DPY19L1: variants seen among roughly 807,000 people sequenced by gnomAD.
The protein encoded by DPY19L1 is dpy-19 like C-mannosyltransferase 1, also known as protein C-mannosyl-transferase DPY19L1.
DPY19L1 carries 35 observed loss-of-function variants against 96.9 expected under a neutral mutation model. That is an observed-to-expected ratio of 0.36 (90% CI 0.28 to 0.48). The LOEUF is 0.48. Ranked by LOEUF, DPY19L1 falls within the 20% of genes least tolerant of loss-of-function variation. The probability of loss-of-function intolerance (pLI) is 0.99; values close to 1 mark genes in which losing one functional copy is unlikely to be tolerated. For synonymous variants in DPY19L1, 205 were observed against 252.6 expected (o/e 0.81, Z 1.79); for missense variants, 521 against 777.9 (o/e 0.67, Z 3.93).
chr7:35,037,296 G>T lies in DPY19L1; in HGVS notation c.99C>A (p.Val33=). The change falls in exon 1 of 22, where the codon GTC becomes GTA. Residue 33 remains valine (V), a synonymous_variant. Coordinates refer to ENST00000638088, the MANE Select transcript of DPY19L1 (RefSeq NM_001366673.1). ...SQSPLRGASD[V]GAGEPGPERA... ...GCTCGGGCCCCGGCTCCCCGGCGCC[G>T]ACGTCCGACGCCCCCCTCAGCGGCG... 1 of 343,342 alleles carries T rather than the reference G, an allele frequency of 2.9e-6. No individual in the cohort carries two copies. Among genetic ancestry groups the T allele is most frequent in the South Asian group, 1.4e-4 (1 of 7,286 alleles). 21.3% of individuals were successfully genotyped at this position (343,342 alleles called of 1,614,324 possible).
At chr7:34,933,408 C>A (rs1480246808) in intron 21 of DPY19L1, among the ~76,000 whole-genome samples, 1 of 152,206 alleles carries the variant, frequency 6.6e-6, no homozygotes, top group Non-Finnish European at 1.5e-5. Flanking sequence ...TATCTTTCTC[C>A]AATGTCAGAC....
chr7:35,027,668 TAAAAAAAAAAAAAA>T (rs57262214), intron 1 of DPY19L1, among the ~76,000 whole-genome samples: 1 of 71,410 alleles, frequency 1.4e-5, no homozygotes, highest in Non-Finnish European at 3.0e-5. Context: ...CCGTCTCTAC[TAAAAAAAAAAAAAA>T]AAAAAATTAG....
At chr7:35,032,324 T>G (rs1429543219) in intron 1 of DPY19L1, among the ~76,000 whole-genome samples, 2 of 152,148 alleles carry the variant, frequency 1.3e-5, no homozygotes, top group African/African-American at 4.8e-5. Flanking sequence ...GGGGTGACCT[T>G]GGACAAGTTA....
intron 16 of DPY19L1, among the ~76,000 whole-genome samples, chr7:34,944,596 A>G (rs900013519): frequency 2.4e-4 from 36 of 152,276 alleles, no homozygotes; most frequent in African/African-American, 8.2e-4. Flanking sequence ...TAATTATCCT[A>G]TACACACACA....
At chr7:35,031,214 T>G in intron 1 of DPY19L1, among the ~76,000 whole-genome samples, 1 of 152,140 alleles carries the variant, frequency 6.6e-6, no homozygotes, top group East Asian at 1.9e-4. Context: ...AGATTGAAAA[T>G]AGTAGGCGGA....
At chr7:35,019,236 T>G (rs1340876803) in intron 1 of DPY19L1, among the ~76,000 whole-genome samples, 1 of 152,084 alleles carries the variant, frequency 6.6e-6, no homozygotes, top group Non-Finnish European at 1.5e-5. Flanking sequence ...AGGCTTCTGA[T>G]TAAATAACTC....
At chr7:35,015,095 C>T (rs145450443) in intron 3 of DPY19L1, among the ~76,000 whole-genome samples, 1,834 of 152,282 alleles carry the variant, frequency 0.012, 10 homozygotes, top group Non-Finnish European at 0.017. Flanking sequence ...TTTTAAGCCA[C>T]CTAGCTTGTT....
At chr7:35,030,910 A>T (rs978905735) in intron 1 of DPY19L1, among the ~76,000 whole-genome samples, 2 of 152,146 alleles carry the variant, frequency 1.3e-5, no homozygotes, top group African/African-American at 4.8e-5. Flanking sequence ...TATAGACGTA[A>T]TTTTTACTAG....
chr7:35,031,572 A>C (rs1314310421), intron 1 of DPY19L1, among the ~76,000 whole-genome samples: 1 of 152,230 alleles, frequency 6.6e-6, no homozygotes, highest in East Asian at 1.9e-4. Flanking sequence ...TTTACAATGC[A>C]TAACAGCCAC....
chr7:34,941,587 C>A (rs1282146840), intron 18 of DPY19L1, among the ~76,000 whole-genome samples, 178 bp downstream of exon 18: 1 of 152,124 alleles, frequency 6.6e-6, no homozygotes, highest in Admixed American at 6.5e-5. Flanking sequence ...TATTTTAAAT[C>A]TTTAGAAAGA....
chr7:34,965,902 A>G (rs1302171399), intron 10 of DPY19L1, among the ~76,000 whole-genome samples: 2 of 151,868 alleles, frequency 1.3e-5, no homozygotes, highest in African/African-American at 4.8e-5. Context: ...CCTTCTTCCA[A>G]TCTTTGTTCT....
At chr7:34,959,929 A>ATATATT (rs1562807019) in intron 10 of DPY19L1, among the ~76,000 whole-genome samples, 2,941 of 50,230 alleles carry the variant, frequency 0.059, 55 homozygotes, top group Non-Finnish European at 0.089. Flanking sequence ...ATATATTTAT[A>ATATATT]TATATATATA....
At chr7:34,937,577 A>G (rs1204976550) in intron 21 of DPY19L1, among the ~76,000 whole-genome samples, 1 of 152,184 alleles carries the variant, frequency 6.6e-6, no homozygotes, top group African/African-American at 2.4e-5. Flanking sequence ...CATACAAATC[A>G]TTATTTAAAA....
chr7:34,957,798 A>C (rs1027153855), intron 11 of DPY19L1, among the ~76,000 whole-genome samples, 186 bp downstream of exon 11: 2 of 146,466 alleles, frequency 1.4e-5, no homozygotes, highest in African/African-American at 5.0e-5. Flanking sequence ...AAATGATACT[A>C]ATTTTTCCTT....
chr7:35,010,933 G>A (rs1410128040), intron 5 of DPY19L1, among the ~76,000 whole-genome samples: 1 of 152,182 alleles, frequency 6.6e-6, no homozygotes, highest in Non-Finnish European at 1.5e-5. Context: ...GGAGCCTTCA[G>A]CTGCCATAGG....
At chr7:34,977,471 A>T (rs1562813928) in intron 7 of DPY19L1, among the ~76,000 whole-genome samples, 1 of 152,198 alleles carries the variant, frequency 6.6e-6, no homozygotes, top group Non-Finnish European at 1.5e-5. Context: ...CAGGGACAAG[A>T]AAACCCAATT....
chr7:34,986,205 G>T (rs1384058443), intron 7 of DPY19L1, among the ~76,000 whole-genome samples: 1 of 151,936 alleles, frequency 6.6e-6, no homozygotes, highest in Non-Finnish European at 1.5e-5. Flanking sequence ...AGTTTCAGTT[G>T]GGCAGGAGGA....
At chr7:35,013,363 A>C (rs1435939842) in intron 4 of DPY19L1, among the ~76,000 whole-genome samples, 1 of 152,202 alleles carries the variant, frequency 6.6e-6, no homozygotes, top group African/African-American at 2.4e-5. Flanking sequence ...AATGCAATCA[A>C]ATCAACAGTT....
At chr7:35,023,083 G>T (rs1016997489) in intron 1 of DPY19L1, among the ~76,000 whole-genome samples, 1 of 152,080 alleles carries the variant, frequency 6.6e-6, no homozygotes, top group African/African-American at 2.4e-5. Context: ...CCCACCCCAG[G>T]CCCCCATGTC....
Sources: allele counts gnomAD v4.1 joint callset (sites outside exome capture counted in the v4.1 genomes callset), GRCh38; gene constraint gnomAD v4.1.1; transcripts MANE v1.5; gene names NCBI Gene and HGNC (gene_info 2026-07-23, HGNC 2026-07-21).